Variants in PIK3R3 observed in about 807,000 individuals in gnomAD.
PIK3R3 encodes the protein phosphoinositide-3-kinase regulatory subunit 3, also known as phosphatidylinositol 3-kinase regulatory subunit gamma.
PIK3R3 carries 64 observed loss-of-function variants against 62.9 expected under a neutral mutation model. The observed-to-expected ratio is 1.02, with a 90% confidence interval of 0.83 to 1.25. PIK3R3 has a LOEUF of 1.25. Among genes scored for constraint, PIK3R3 ranks in the 50% most tolerant of loss-of-function variants. The probability of loss-of-function intolerance (pLI) is 0.00; values close to 1 mark genes in which losing one functional copy is unlikely to be tolerated. For missense variants in PIK3R3, 614 were observed against 561.6 expected (o/e 1.09, Z -0.94); for synonymous variants, 165 against 189.0 (o/e 0.87, Z 1.04).
chr1:46,118,077 C>T (rs1654340841), intron 1 of PIK3R3, among the ~76,000 whole-genome samples: 3 of 152,034 alleles, frequency 2.0e-5, no homozygotes, highest in East Asian at 1.9e-4. Flanking sequence ...CCCAGTCACG[C>T]ACACACAAAA....
chr1:46,154,977 GA>G, the PIK3R3 span, among the ~76,000 whole-genome samples: 2 of 152,094 alleles, frequency 1.3e-5, no homozygotes, highest in Non-Finnish European at 2.9e-5. Context: ...ATCACAATCT[GA>G]AATAACTTTA....
chr1:46,156,898 T>TA, the PIK3R3 span, among the ~76,000 whole-genome samples: 2 of 152,114 alleles, frequency 1.3e-5, no homozygotes, highest in African/African-American at 2.4e-5. Context: ...CACTTGAAGC[T>TA]AAAAAAATGC....
intron 1 of PIK3R3, among the ~76,000 whole-genome samples, chr1:46,127,655 A>G (rs554347666): frequency 3.3e-4 from 50 of 152,326 alleles, no homozygotes; most frequent in African/African-American, 1.1e-3. Flanking sequence ...TCCCGAAGTC[A>G]TAGCAAGACT....
chr1:46,155,210 A>G, the PIK3R3 span, among the ~76,000 whole-genome samples: 1 of 151,886 alleles, frequency 6.6e-6, no homozygotes, highest in African/African-American at 2.4e-5. Context: ...GGTCCCGCCT[A>G]CTCCAGAAGC....
the PIK3R3 span, among the ~76,000 whole-genome samples, chr1:46,140,122 G>A: frequency 6.8e-4 from 104 of 152,190 alleles, no homozygotes; most frequent in Non-Finnish European, 1.1e-3. Context: ...CCGAGTAGCT[G>A]GGACCACAGA....
chr1:46,083,290 T>C (rs1650773703), intron 1 of PIK3R3, among the ~76,000 whole-genome samples: 1 of 152,130 alleles, frequency 6.6e-6, no homozygotes, highest in Non-Finnish European at 1.5e-5. Flanking sequence ...CCTAAAACTA[T>C]AAAATTCTTA....
rs1204059733 is a variant in PIK3R3, at chr1:46,040,526, AG to A, written c.*3146del. The A allele has an allele frequency of 1.1e-4, 25 of 228,154 alleles. No individual in the cohort carries two copies. Among genetic ancestry groups the A allele is most frequent in the Non-Finnish European group, 8.7e-6 (1 of 114,910 alleles). 14.1% of individuals were successfully genotyped at this position (228,154 alleles called of 1,614,324 possible). ...TGCCACAAGTGGCTGGAGCTAAAGC[AG>A]GTTTGAGCAGTTGGCAGCAGAGGGC... is the stretch of plus-strand genomic sequence containing the variant. On this transcript the variant is annotated 3_prime_UTR_variant, in exon 10 of 10. Coordinates refer to ENST00000262741, the MANE Select transcript of PIK3R3 (RefSeq NM_003629.4).
the PIK3R3 span, among the ~76,000 whole-genome samples, chr1:46,150,237 G>A: frequency 4.6e-5 from 7 of 152,078 alleles, no homozygotes; most frequent in East Asian, 3.9e-4. Flanking sequence ...CTTCTCTGAC[G>A]CTCATTGCTG....
rs149808257 is a variant in PIK3R3, at chr1:46,113,462, T to C, written c.106+18385A>G. Among the ~76,000 whole-genome samples the C allele has an allele frequency of 8.2e-3, 1,244 of 151,840 alleles. 5 individuals carry two copies. Among genetic ancestry groups the C allele is most frequent in the Admixed American group, 0.011 (170 of 15,222 alleles). On this transcript the variant is annotated intron_variant, in intron 1 of 9. Coordinates refer to ENST00000262741, the MANE Select transcript of PIK3R3 (RefSeq NM_003629.4). ...TCATGTGCCACCACACCCAGCCAGA[T>C]TTTTTTTAAAGAGATGGGGGTCTCA... is the stretch of plus-strand genomic sequence containing the variant.
chr1:46,055,483 T>C (rs1355930084), intron 7 of PIK3R3, among the ~76,000 whole-genome samples: 1 of 152,208 alleles, frequency 6.6e-6, no homozygotes, highest in Non-Finnish European at 1.5e-5. Context: ...ATTCTGATTT[T>C]TATGTTTTAG....
chr1:46,064,554 T>C (rs1050117904), intron 5 of PIK3R3, among the ~76,000 whole-genome samples: 1 of 152,088 alleles, frequency 6.6e-6, no homozygotes, highest in East Asian at 1.9e-4. Flanking sequence ...AAAATATCAA[T>C]AATAAAATAA....
At chr1:46,108,827 C>T (rs1653448652) in intron 1 of PIK3R3, among the ~76,000 whole-genome samples, 1 of 152,172 alleles carries the variant, frequency 6.6e-6, no homozygotes, top group African/African-American at 2.4e-5. Context: ...TTCTACTCCA[C>T]CAAAACATAA....
At chr1:46,141,570 C>T in the PIK3R3 span, among the ~76,000 whole-genome samples, 3 of 152,218 alleles carry the variant, frequency 2.0e-5, no homozygotes, top group Admixed American at 6.5e-5. Context: ...CGCGTCCAGC[C>T]TTCAAACACA....
the PIK3R3 span, among the ~76,000 whole-genome samples, chr1:46,150,367 A>AT: frequency 6.6e-6 from 1 of 152,132 alleles, no homozygotes; most frequent in Admixed American, 6.5e-5. Flanking sequence ...ATCTTACCTG[A>AT]TTTTTTCCCT....
At chr1:46,159,738 T>TAAACACACACAC in the PIK3R3 span, among the ~76,000 whole-genome samples, 1 of 148,010 alleles carries the variant, frequency 6.8e-6, no homozygotes, top group African/African-American at 2.5e-5. Flanking sequence ...ATGAGTACCA[T>TAAACACACACAC]ACACACACAC....
chr1:46,109,714 C>T (rs1002901304), intron 1 of PIK3R3, among the ~76,000 whole-genome samples: 4 of 152,112 alleles, frequency 2.6e-5, no homozygotes, highest in Non-Finnish European at 5.9e-5. Flanking sequence ...GAACTTCTGA[C>T]CCCATGATCC....
the PIK3R3 span, among the ~76,000 whole-genome samples, chr1:46,158,884 G>C: frequency 6.6e-6 from 1 of 152,066 alleles, no homozygotes; most frequent in African/African-American, 2.4e-5. Flanking sequence ...TCAGGAGTTC[G>C]AGACCAGCCT....
chr1:46,085,703 G>A (rs1357291861), intron 1 of PIK3R3, among the ~76,000 whole-genome samples: 1 of 152,184 alleles, frequency 6.6e-6, no homozygotes, highest in Non-Finnish European at 1.5e-5. Flanking sequence ...AACTGATTAG[G>A]ATACATTAGT....
chr1:46,062,001 T>C lies in PIK3R3; in HGVS notation c.692A>G (p.His231Arg), dbSNP rs761285397. ...TTCTTTGCTATGTTGTTCTTGTGTG[T>C]GACACTGCTCTTCAAATATTTTAAT... ...ETIKIFEEQC[H>R]TQEQHSKEYI... Residue 231 changes from histidine to arginine, a missense_variant, in exon 6 of 10, where the codon CAC becomes CGC. Coordinates refer to ENST00000262741, the MANE Select transcript of PIK3R3 (RefSeq NM_003629.4). 1 of 1,611,798 alleles carries C rather than the reference T, an allele frequency of 6.2e-7. No individual in the cohort carries two copies. The highest frequency in any genetic ancestry group is 8.5e-7 in the Non-Finnish European group (1 of 1,177,966).
Sources: allele counts gnomAD v4.1 joint callset (sites outside exome capture counted in the v4.1 genomes callset), GRCh38; gene constraint gnomAD v4.1.1; transcripts MANE v1.5; gene names NCBI Gene and HGNC (gene_info 2026-07-23, HGNC 2026-07-21).